PDCD6IP: variants seen among roughly 807,000 people sequenced by gnomAD.
PDCD6IP encodes programmed cell death 6 interacting protein.
PDCD6IP carries 43 observed loss-of-function variants against 103.7 expected under a neutral mutation model. That is an observed-to-expected ratio of 0.41 (90% confidence interval 0.32 to 0.53). The LOEUF (loss-of-function observed/expected upper bound fraction) is 0.53, where lower values mean the gene tolerates loss of function less well. Ranked by LOEUF, PDCD6IP falls within the 20% of genes least tolerant of loss-of-function variation. The pLI, the probability that PDCD6IP is intolerant of heterozygous loss-of-function variation, is 0.16. For synonymous variants in PDCD6IP, 354 were observed against 378.7 expected, an observed-to-expected ratio of 0.93 and a Z score of 0.76; for missense variants, 871 against 1,036.7, an observed-to-expected ratio of 0.84 and a Z score of 2.20.
intron 1 of PDCD6IP, among the ~76,000 whole-genome samples, chr3:33,811,556 A>G (rs4505643): frequency 0.29 from 44,137 of 152,104 alleles, 6,625 homozygotes; most frequent in East Asian, 0.41. Flanking sequence ...TATGCAGAAA[A>G]CAGGTCGGAA....
chr3:33,861,444 T>C (rs1028312618), intron 15 of PDCD6IP, among the ~76,000 whole-genome samples: 1 of 152,200 alleles, frequency 6.6e-6, no homozygotes, highest in Non-Finnish European at 1.5e-5. Flanking sequence ...CCCGGCTTAA[T>C]ATGTATTTTA....
At chr3:33,840,474 T>C (rs1423506316) in intron 9 of PDCD6IP, among the ~76,000 whole-genome samples, 3 of 152,208 alleles carry the variant, frequency 2.0e-5, no homozygotes, top group South Asian at 2.1e-4. Flanking sequence ...TGGCTTGCCT[T>C]TTCATGTTTT....
At chr3:33,851,640 T>G (rs1459869024) in intron 12 of PDCD6IP, among the ~76,000 whole-genome samples, 2 of 150,442 alleles carry the variant, frequency 1.3e-5, no homozygotes, top group African/African-American at 4.9e-5. Flanking sequence ...CCCAACTAAT[T>G]TTTTTTTTTC....
rs1697368164 is a variant in PDCD6IP at position 33,837,137 on chromosome 3, C to T, written c.1057+871C>T. ...GTTTCTCCGTGTTGGTCAGGCTGGC[C>T]TGGAACTCCCGACTTCAGGTGATCC... On this transcript the variant is annotated intron_variant, in intron 8 of 17. Coordinates refer to ENST00000307296, the MANE Select transcript of PDCD6IP (RefSeq NM_013374.6). Among the ~76,000 whole-genome samples, 3 of 152,234 alleles carry T rather than the reference C, an allele frequency of 2.0e-5. 1 individual carries two copies. The South Asian group carries it at 6.2e-4, about 32-fold the overall frequency.
chr3:33,820,894 A>G (rs910651593), intron 3 of PDCD6IP, among the ~76,000 whole-genome samples: 3 of 152,070 alleles, frequency 2.0e-5, no homozygotes, highest in Non-Finnish European at 4.4e-5. Flanking sequence ...CTCTGCTTTC[A>G]TTTTTTTGGG....
chr3:33,807,714 G>A (rs1400287317), intron 1 of PDCD6IP, among the ~76,000 whole-genome samples: 1 of 152,200 alleles, frequency 6.6e-6, no homozygotes, highest in African/African-American at 2.4e-5. Flanking sequence ...TGGCACCTGG[G>A]CAGCCGTGTG....
intron 7 of PDCD6IP, among the ~76,000 whole-genome samples, chr3:33,835,672 C>G (rs116346380): frequency 6.6e-6 from 1 of 151,886 alleles, no homozygotes; most frequent in Non-Finnish European, 1.5e-5. Context: ...GAGCCGAGAT[C>G]GCGCCACTGT....
At chr3:33,829,074 C>T in intron 7 of PDCD6IP, 105 bp downstream of exon 7, 1 of 779,178 alleles carries the variant, frequency 1.3e-6, no homozygotes, top group South Asian at 2.8e-5. Context: ...CGTTCATCAC[C>T]CCTATCAGCA....
Position 33,845,583 on chromosome 3 carries a change from A to G in PDCD6IP, c.1636A>G (p.Ser546Gly). Residue 546 changes from serine to glycine, a missense_variant, in exon 12 of 18, where the codon AGT becomes GGT. Physicochemically the swap from Ser to Gly is moderately conservative, Grantham distance 56. Coordinates refer to ENST00000307296, the MANE Select transcript of PDCD6IP (RefSeq NM_013374.6). ...TAATCCAGCAAAGACCATGCAGGGC[A>G]GTGAGGTAAGAAGGACACTTTGATG... Reference protein sequence around the residue: ...SANPAKTMQGSEVVNVLKSLL... With the variant: ...SANPAKTMQGGEVVNVLKSLL... 1 of 1,600,384 alleles carries G rather than the reference A, an allele frequency of 6.2e-7. No individual in the cohort carries two copies.
intron 1 of PDCD6IP, among the ~76,000 whole-genome samples, chr3:33,806,965 A>G (rs750319045): frequency 2.4e-4 from 37 of 152,162 alleles, no homozygotes; most frequent in Non-Finnish European, 4.6e-4. Flanking sequence ...GTTGATTTCC[A>G]GTGATTGCCC....
At chr3:33,858,638 G>A (rs545878140) in intron 15 of PDCD6IP, among the ~76,000 whole-genome samples, 2 of 152,060 alleles carry the variant, frequency 1.3e-5, no homozygotes, top group Non-Finnish European at 2.9e-5. Flanking sequence ...GTGAAACCCC[G>A]TCTCTACTAA....
At chr3:33,816,740 T>G (rs1696863268) in intron 3 of PDCD6IP, among the ~76,000 whole-genome samples, 2 of 152,036 alleles carry the variant, frequency 1.3e-5, no homozygotes, top group Admixed American at 6.6e-5. Flanking sequence ...GGTTGCTCAT[T>G]TCAGGAAATC....
At chr3:33,854,317 A>G (rs1381342162) in intron 14 of PDCD6IP, among the ~76,000 whole-genome samples, 2 of 152,160 alleles carry the variant, frequency 1.3e-5, no homozygotes, top group African/African-American at 4.8e-5. Context: ...GAAGTTGACT[A>G]ATTTGATGAA....
chr3:33,859,367 A>T (rs1697900039), intron 15 of PDCD6IP, among the ~76,000 whole-genome samples: 1 of 152,174 alleles, frequency 6.6e-6, no homozygotes, highest in South Asian at 2.1e-4. Flanking sequence ...AAAGAAAAGA[A>T]TAAGTTTCTC....
chr3:33,825,209 A>T lies in PDCD6IP; in HGVS notation c.485A>T (p.His162Leu), dbSNP rs1697090756. Residue 162 changes from histidine (H) to leucine (L), a missense_variant, in exon 5 of 18, where the codon CAT (histidine) becomes CTT (leucine). Around this residue, in one of 5 missense-constraint regions of PDCD6IP, gnomAD observed 242 missense variants for 250.7 expected, o/e 0.97. Coordinates refer to ENST00000307296, the MANE Select transcript of PDCD6IP (RefSeq NM_013374.6). Reference sequence around the variant, plus strand: ...TAGTTTGCTAGTGGTGCCTTTTTACATATTAAAGAGACGGTTTTATCTGCC... The same window carrying T: ...TAGTTTGCTAGTGGTGCCTTTTTACTTATTAAAGAGACGGTTTTATCTGCC... ...HYQFASGAFL[H>L]IKETVLSALS... The T allele has an allele frequency of 6.2e-7, 1 of 1,611,168 alleles. No homozygotes were observed. The highest frequency in any genetic ancestry group is 1.3e-5 in the African/African-American group (1 of 74,732).
chr3:33,850,461 G>A (rs1697689699), intron 12 of PDCD6IP, among the ~76,000 whole-genome samples: 1 of 151,940 alleles, frequency 6.6e-6, no homozygotes, highest in Non-Finnish European at 1.5e-5. Flanking sequence ...CTTGCTGTAA[G>A]TAACCATATT....
At position 33,869,255 on chromosome 3, in the gene PDCD6IP, G is replaced by A. The variant is rs1235105759; in HGVS notation, c.*2730G>A. Reference sequence around the variant, plus strand: ...TTCAGTTTGCTAATAGGGATTTTTTGTGTTTTGTTTTTTAATTTTCAGCAT... The same window carrying A: ...TTCAGTTTGCTAATAGGGATTTTTTATGTTTTGTTTTTTAATTTTCAGCAT... On this transcript the variant is annotated 3_prime_UTR_variant, in exon 18 of 18. Coordinates refer to ENST00000307296, the MANE Select transcript of PDCD6IP (RefSeq NM_013374.6). The A allele has an allele frequency of 6.6e-6, 1 of 152,150 alleles. No homozygotes were observed. Among genetic ancestry groups the A allele is most frequent in the Admixed American group, 6.5e-5 (1 of 15,284 alleles). 9.4% of individuals were successfully genotyped at this position (152,150 alleles called of 1,614,324 possible). A position where few individuals can be genotyped will look rare whatever the true frequency, so the allele number is the denominator to read the frequency against.
chr3:33,803,073 TG>T (rs952922453), intron 1 of PDCD6IP, among the ~76,000 whole-genome samples: 2 of 152,246 alleles, frequency 1.3e-5, no homozygotes, highest in Non-Finnish European at 2.9e-5. Flanking sequence ...TCTTATATCC[TG>T]TGTGTCATTT....
At chr3:33,857,300 C>A (rs781330805) in intron 15 of PDCD6IP, among the ~76,000 whole-genome samples, 1 of 152,158 alleles carries the variant, frequency 6.6e-6, no homozygotes, top group African/African-American at 2.4e-5. Context: ...TCTGCCTCAG[C>A]TTCTTAAGTA....
Sources: allele counts gnomAD v4.1 joint callset (sites outside exome capture counted in the v4.1 genomes callset), GRCh38; gene constraint gnomAD v4.1.1; regional missense constraint gnomAD v4.1.1; transcripts MANE v1.5; gene names NCBI Gene and HGNC (gene_info 2026-07-23, HGNC 2026-07-21).